Variants in SLC35F3 observed in about 807,000 individuals in gnomAD.
SLC35F3 encodes putative thiamine transporter SLC35F3.
Under a neutral mutation model 49.9 loss-of-function variants are expected in SLC35F3, and 25 were observed. The ratio of observed to expected loss-of-function variants is 0.50; its 90% confidence interval spans 0.37 to 0.70. SLC35F3 has a LOEUF of 0.70. Among genes scored for constraint, SLC35F3 ranks in the 30% least tolerant of loss-of-function variants. The probability of loss-of-function intolerance (pLI) is 0.00; values close to 1 mark genes in which losing one functional copy is unlikely to be tolerated. For synonymous variants in SLC35F3, 275 were observed against 265.4 expected, an observed-to-expected ratio of 1.04 and a Z score of -0.35; for missense variants, 525 against 639.8, an observed-to-expected ratio of 0.82 and a Z score of 1.94.
intron 2 of SLC35F3, among the ~76,000 whole-genome samples, chr1:234,130,939 A>C (rs1236168183): frequency 8.0e-6 from 1 of 124,388 alleles, no homozygotes; most frequent in Admixed American, 7.4e-5. Flanking sequence ...GAATGGATAA[A>C]AAAAATTTAT....
chr1:234,306,089 C>A (rs1275624472), intron 3 of SLC35F3, among the ~76,000 whole-genome samples: 1 of 152,256 alleles, frequency 6.6e-6, no homozygotes, highest in Non-Finnish European at 1.5e-5. Flanking sequence ...TGTTCATCAT[C>A]TGTCTTGGGT....
At chr1:234,026,320 A>G (rs1233551963) in intron 2 of SLC35F3, among the ~76,000 whole-genome samples, 1 of 152,178 alleles carries the variant, frequency 6.6e-6, no homozygotes, top group African/African-American at 2.4e-5. Flanking sequence ...ATAGTTTTTT[A>G]TAGTTCTGTA....
At chr1:234,275,424 T>C (rs144407862) in intron 3 of SLC35F3, among the ~76,000 whole-genome samples, 1 of 152,186 alleles carries the variant, frequency 6.6e-6, no homozygotes, top group Admixed American at 6.5e-5. Context: ...CATTAAGATA[T>C]CAATTTCATT....
intron 3 of SLC35F3, among the ~76,000 whole-genome samples, chr1:234,257,605 A>G (rs1667839975): frequency 6.6e-6 from 1 of 152,254 alleles, no homozygotes; most frequent in Non-Finnish European, 1.5e-5. Context: ...ATTGCATTAT[A>G]GCTGGTTCAT....
At chr1:234,252,745 A>G (rs1667757237) in intron 3 of SLC35F3, among the ~76,000 whole-genome samples, 1 of 152,242 alleles carries the variant, frequency 6.6e-6, no homozygotes. Flanking sequence ...GAAAGAAAAC[A>G]AGTACTTAAT....
rs76724370 is a variant in SLC35F3, at chr1:234,263,370, T to G, written c.608+31629T>G. On this transcript the variant is annotated intron_variant, in intron 3 of 7. Transcript: ENST00000366618. The stretch of plus-strand genomic sequence containing the variant: ...TTCTGATGAGAATTTTAACTCTTAT[T>G]AAAATTATTATTTAGTATGCAAAAT... Among the ~76,000 whole-genome samples the G allele has an allele frequency of 6.6e-3, 1,008 of 152,352 alleles. 12 individuals carry two copies. The highest frequency in any genetic ancestry group is 0.023 in the African/African-American group (955 of 41,578).
At chr1:234,092,025 A>G (rs1665050165) in intron 2 of SLC35F3, among the ~76,000 whole-genome samples, 1 of 152,190 alleles carries the variant, frequency 6.6e-6, no homozygotes, top group African/African-American at 2.4e-5. Flanking sequence ...CCCTTGTGCC[A>G]CCACTGAAGG....
intron 2 of SLC35F3, among the ~76,000 whole-genome samples, chr1:234,174,492 T>C (rs1666446480): frequency 6.6e-6 from 1 of 152,226 alleles, no homozygotes; most frequent in Non-Finnish European, 1.5e-5. Context: ...CTGTCTTACT[T>C]AATCCCGCCC....
intron 2 of SLC35F3, among the ~76,000 whole-genome samples, chr1:234,053,300 T>G (rs1449343159): frequency 6.6e-6 from 1 of 151,996 alleles, no homozygotes; most frequent in African/African-American, 2.4e-5. Flanking sequence ...TCTAAGGACT[T>G]GCTTTATGAA....
intron 2 of SLC35F3, among the ~76,000 whole-genome samples, chr1:234,000,192 G>A (rs2102832061): frequency 6.6e-6 from 1 of 152,216 alleles, no homozygotes; most frequent in Middle Eastern, 3.4e-3. Flanking sequence ...AGAAAACATG[G>A]GCTGCGTTCC....
At chr1:234,057,931 TC>T (rs1664479791) in intron 2 of SLC35F3, among the ~76,000 whole-genome samples, 1 of 152,116 alleles carries the variant, frequency 6.6e-6, no homozygotes, top group Admixed American at 6.5e-5. Flanking sequence ...GGTCTCGAAC[TC>T]CTGACCTCAG....
At chr1:233,963,257 G>A (rs548802092) in intron 2 of SLC35F3, among the ~76,000 whole-genome samples, 2 of 152,012 alleles carry the variant, frequency 1.3e-5, no homozygotes, top group Admixed American at 6.5e-5. Flanking sequence ...CCATTGTGGA[G>A]AGGCTTTGGG....
intron 2 of SLC35F3, among the ~76,000 whole-genome samples, chr1:233,911,066 TG>T (rs1391859436): frequency 6.6e-6 from 1 of 152,048 alleles, no homozygotes; most frequent in Non-Finnish European, 1.5e-5. Flanking sequence ...ACAAGGAAAT[TG>T]CATGTTTCAG....
At chr1:234,028,937 T>A (rs1229044285) in intron 2 of SLC35F3, among the ~76,000 whole-genome samples, 1 of 152,198 alleles carries the variant, frequency 6.6e-6, no homozygotes, top group Non-Finnish European at 1.5e-5. Flanking sequence ...GCACGATGAT[T>A]TCCGTGGGGA....
At chr1:233,918,762 G>GTCTCTCTCTCTCTCTTTCTC (rs1662010954) in intron 2 of SLC35F3, among the ~76,000 whole-genome samples, 8 of 148,136 alleles carry the variant, frequency 5.4e-5, no homozygotes, top group African/African-American at 2.0e-4. Flanking sequence ...GTGAGACTCC[G>GTCTCTCTCTCTCTCTTTCTC]TCTCTCTCTC....
chr1:234,141,843 A>G (rs1251744296), intron 2 of SLC35F3, among the ~76,000 whole-genome samples: 1 of 152,166 alleles, frequency 6.6e-6, no homozygotes, highest in Non-Finnish European at 1.5e-5. Context: ...TTGCTTAGAT[A>G]ACACCTACTC....
At chr1:234,107,014 C>T (rs12562400) in intron 2 of SLC35F3, among the ~76,000 whole-genome samples, 21,180 of 152,212 alleles carry the variant, frequency 0.14, 3,214 homozygotes, top group East Asian at 0.81. Flanking sequence ...TATGTAACAA[C>T]CAAACTCAAA....
chr1:234,229,526 T>C (rs529838694), intron 2 of SLC35F3, among the ~76,000 whole-genome samples: 1 of 152,362 alleles, frequency 6.6e-6, no homozygotes, highest in Admixed American at 6.5e-5. Flanking sequence ...TAAAGCTTAA[T>C]TTGCTATAAT....
At chr1:234,176,158 G>A (rs537590527) in intron 2 of SLC35F3, among the ~76,000 whole-genome samples, 6 of 152,106 alleles carry the variant, frequency 3.9e-5, no homozygotes, top group African/African-American at 4.8e-5. Context: ...CTGGAGTTCC[G>A]CATGAAACAA....
Sources: gnomAD v4.1 joint callset for allele counts (sites outside exome capture counted in the v4.1 genomes callset) on GRCh38, gnomAD v4.1.1 for gene constraint, MANE v1.5 for transcripts, NCBI Gene and HGNC (gene_info 2026-07-23, HGNC 2026-07-21) for gene names.